The following TFDP2 variants were observed in gnomAD, a reference collection of about 807,000 sequenced individuals.
TFDP2 encodes the protein transcription factor Dp-2.
Under a neutral mutation model 59.3 loss-of-function variants are expected in TFDP2, and 17 were observed. The observed-to-expected ratio is 0.29, with a 90% CI of 0.20 to 0.43. The LOEUF is 0.43. TFDP2 is among the 20% of genes least tolerant of loss of function. The pLI is 1.00. For synonymous variants in TFDP2, 180 were observed against 194.7 expected, an observed-to-expected ratio of 0.92 and a Z score of 0.63; for missense variants, 391 against 528.8, an observed-to-expected ratio of 0.74 and a Z score of 2.56.
intron 3 of TFDP2, among the ~76,000 whole-genome samples, chr3:142,039,646 C>T (rs1458091026): frequency 6.6e-6 from 1 of 152,132 alleles, no homozygotes; most frequent in Non-Finnish European, 1.5e-5. Flanking sequence ...TAAGTACCAC[C>T]CCTGGGGTTC....
chr3:142,129,263 G>A (rs1213342303), intron 1 of TFDP2, among the ~76,000 whole-genome samples: 1 of 151,836 alleles, frequency 6.6e-6, no homozygotes, highest in Non-Finnish European at 1.5e-5. Flanking sequence ...CCTAGCTACA[G>A]ACTCTAGAAA....
In TFDP2 at chr3:141,995,157, C is replaced by G. The variant is rs769609560; in HGVS notation, c.187-16G>C. ...TGCTTATAATCTGTAAAGTTAGGAA[C>G]AAAGAATATAATATTCTTAATTATT... is the stretch of plus-strand genomic sequence containing the variant. On this transcript the variant is annotated splice_polypyrimidine_tract_variant and intron_variant, in intron 4 of 12. Transcript: ENST00000489671. 1 of 1,555,092 alleles carries G rather than the reference C, an allele frequency of 6.4e-7. No individual in the cohort carries two copies. The highest frequency in any genetic ancestry group is 1.4e-5 in the African/African-American group (1 of 72,778).
At chr3:142,136,480 C>A (rs1276074352) in intron 1 of TFDP2, among the ~76,000 whole-genome samples, 2 of 152,028 alleles carry the variant, frequency 1.3e-5, no homozygotes, top group African/African-American at 4.8e-5. Flanking sequence ...GTGTTTTAGT[C>A]ATGAAGTCCT....
chr3:141,995,847 C>T (rs1465112903), intron 4 of TFDP2, among the ~76,000 whole-genome samples: 1 of 136,068 alleles, frequency 7.3e-6, no homozygotes, highest in Admixed American at 8.4e-5. Context: ...CACGCCACTG[C>T]ACTCCAGCCT....
chr3:141,959,783 T>G lies in TFDP2; in HGVS notation c.942A>C (p.Val314=), dbSNP rs774096066. The change falls in exon 11 of 13, where the codon GTA becomes GTC. Residue 314 remains valine, a synonymous_variant. Coordinates refer to ENST00000489671, the MANE Select transcript of TFDP2 (RefSeq NM_001178139.2). ...NTFEIHDDIE[V]LKRMGMSFGL... ...CAAACGACATTCCCATCCGCTTTAG[T>G]ACTTCTATGTCATCATGGATCTCAA... 5 of 1,614,072 alleles carry G rather than the reference T, an allele frequency of 3.1e-6. No individual in the cohort carries two copies. The highest frequency in any genetic ancestry group is 1.3e-5 in the African/African-American group (1 of 74,938).
rs115312416 is a variant in TFDP2, at chr3:142,104,357, T to C, written c.-92-2516A>G. Among the ~76,000 whole-genome samples, 589 of 152,310 alleles carry C rather than the reference T, an allele frequency of 3.9e-3. 6 individuals carry two copies. Among genetic ancestry groups the C allele is most frequent in the African/African-American group, 0.014 (565 of 41,564 alleles). On this transcript the variant is annotated intron_variant, in intron 1 of 12. Transcript: ENST00000489671. ...AATAATTTAAAGTTAAAATGTTAAG[T>C]ATTGCATTTTGAAGATTAATATTTC...
chr3:141,963,222 A>G (rs1033142540), intron 10 of TFDP2, among the ~76,000 whole-genome samples: 2 of 152,200 alleles, frequency 1.3e-5, no homozygotes, highest in African/African-American at 4.8e-5. Flanking sequence ...AATTAATTCT[A>G]TATTTTGAAA....
chr3:142,109,187 T>A (rs571673768), intron 1 of TFDP2, among the ~76,000 whole-genome samples: 2 of 152,340 alleles, frequency 1.3e-5, no homozygotes, highest in African/African-American at 4.8e-5. Context: ...AAGAAATATT[T>A]GTTAAATGAA....
chr3:141,986,785 G>A (rs1386017816), intron 6 of TFDP2, among the ~76,000 whole-genome samples: 1 of 152,136 alleles, frequency 6.6e-6, no homozygotes, highest in African/African-American at 2.4e-5. Flanking sequence ...CATTCTAGAT[G>A]CTTCATATCC....
chr3:141,982,171 T>C (rs971747378), intron 6 of TFDP2, among the ~76,000 whole-genome samples: 6 of 152,158 alleles, frequency 3.9e-5, no homozygotes, highest in Non-Finnish European at 5.9e-5. Context: ...TCACTAGTGA[T>C]TTTTATATTT....
intron 2 of TFDP2, among the ~76,000 whole-genome samples, chr3:142,095,664 CTA>C (rs1296907821): frequency 6.6e-6 from 1 of 152,168 alleles, no homozygotes; most frequent in African/African-American, 2.4e-5. Flanking sequence ...CAACAAATAA[CTA>C]TATGTTATGG....
chr3:142,036,458 C>A (rs1223824896), intron 3 of TFDP2, among the ~76,000 whole-genome samples: 1 of 152,232 alleles, frequency 6.6e-6, no homozygotes, highest in Admixed American at 6.5e-5. Context: ...TTTATTACAA[C>A]ATTTATCACA....
chr3:142,111,939 G>T (rs916451099), intron 1 of TFDP2, among the ~76,000 whole-genome samples: 1 of 152,090 alleles, frequency 6.6e-6, no homozygotes, highest in South Asian at 2.1e-4. Context: ...GGTGGAGCGT[G>T]CCTGTAATCC....
intron 9 of TFDP2, among the ~76,000 whole-genome samples, chr3:141,967,514 G>C (rs1404529973): frequency 1.3e-5 from 2 of 151,746 alleles, no homozygotes; most frequent in African/African-American, 4.8e-5. Flanking sequence ...GGCTGGTCTC[G>C]AACTCCTGAA....
chr3:142,035,491 C>T (rs1168904248), intron 3 of TFDP2, among the ~76,000 whole-genome samples: 2 of 152,158 alleles, frequency 1.3e-5, no homozygotes, highest in Non-Finnish European at 2.9e-5. Context: ...GTCAAAAGTG[C>T]CCATAAACCA....
chr3:142,120,362 AAAAAAAAG>A (rs1418261299), intron 1 of TFDP2, among the ~76,000 whole-genome samples: 1 of 152,088 alleles, frequency 6.6e-6, no homozygotes, highest in Admixed American at 6.6e-5. Context: ...ACTACGTCTC[AAAAAAAAG>A]AAAAAAAGAA....
chr3:142,113,984 G>C (rs2061755963), intron 1 of TFDP2, among the ~76,000 whole-genome samples: 1 of 152,000 alleles, frequency 6.6e-6, no homozygotes, highest in Non-Finnish European at 1.5e-5. Flanking sequence ...CTAACACGGT[G>C]AATCCCCGCC....
intron 6 of TFDP2, among the ~76,000 whole-genome samples, chr3:141,991,196 C>T (rs1311819688): frequency 6.6e-6 from 1 of 152,118 alleles, no homozygotes; most frequent in Non-Finnish European, 1.5e-5. Context: ...TTTCCAGGCA[C>T]GTAACTAGAA....
intron 1 of TFDP2, among the ~76,000 whole-genome samples, chr3:142,144,970 G>A (rs1400176571): frequency 6.6e-6 from 1 of 152,202 alleles, no homozygotes; most frequent in Non-Finnish European, 1.5e-5. Flanking sequence ...GTACACTAAA[G>A]AAGGAATGGT....
Sources: gnomAD v4.1 joint callset for allele counts (sites outside exome capture counted in the v4.1 genomes callset) on GRCh38, gnomAD v4.1.1 for gene constraint, MANE v1.5 for transcripts, NCBI Gene and HGNC (gene_info 2026-07-23, HGNC 2026-07-21) for gene names.